ERG: variants seen among roughly 807,000 people sequenced by gnomAD.
ERG encodes ETS transcription factor ERG.
A neutral mutation model predicts 55.3 loss-of-function variants in ERG; 9 were observed. The observed-to-expected ratio is 0.16, with a 90% CI of 0.10 to 0.28. ERG has a LOEUF of 0.28. Among genes scored for constraint, ERG ranks in the 10% least tolerant of loss-of-function variants. The probability of loss-of-function intolerance (pLI) is 1.00; values close to 1 mark genes in which losing one functional copy is unlikely to be tolerated. For missense variants in ERG, 434 were observed against 631.6 expected (o/e 0.69, Z 3.35); for synonymous variants, 223 against 237.3 (o/e 0.94, Z 0.55).
chr21:38,431,158 G>T (rs566402144), intron 2 of ERG, among the ~76,000 whole-genome samples: 31 of 152,200 alleles, frequency 2.0e-4, no homozygotes, highest in African/African-American at 7.5e-4. Context: ...ACACGGCAAA[G>T]AATATCAAAT....
chr21:38,529,953 C>G (rs372975660), intron 2 of ERG, among the ~76,000 whole-genome samples: 1 of 151,904 alleles, frequency 6.6e-6, no homozygotes, highest in Admixed American at 6.6e-5. Context: ...GTGACAAGAG[C>G]GAAACTCCGT....
intron 2 of ERG, among the ~76,000 whole-genome samples, chr21:38,539,984 A>G (rs1373342367): frequency 6.7e-6 from 1 of 148,918 alleles, no homozygotes; most frequent in Non-Finnish European, 1.5e-5. Context: ...GCAACCTCCA[A>G]CTCCCAGGTT....
chr21:38,604,760 C>A (rs1263492652), intron 1 of ERG, among the ~76,000 whole-genome samples: 1 of 152,196 alleles, frequency 6.6e-6, no homozygotes, highest in African/African-American at 2.4e-5. Flanking sequence ...TGAAGAATGG[C>A]CTCAGCCTTA....
intron 1 of ERG, among the ~76,000 whole-genome samples, chr21:38,493,987 G>T (rs960246991): frequency 6.6e-6 from 1 of 152,214 alleles, no homozygotes; most frequent in African/African-American, 2.4e-5. Context: ...TCCGCGGGGG[G>T]GCGTCTGATG....
intron 1 of ERG, among the ~76,000 whole-genome samples, chr21:38,493,877 C>A (rs2059358361): frequency 6.6e-6 from 1 of 152,248 alleles, no homozygotes; most frequent in Non-Finnish European, 1.5e-5. Flanking sequence ...CACATCAGAG[C>A]AGTCTATGGC....
intron 9 of ERG, among the ~76,000 whole-genome samples, chr21:38,388,884 G>C (rs1987834499): frequency 6.6e-6 from 1 of 152,156 alleles, no homozygotes; most frequent in Non-Finnish European, 1.5e-5. Flanking sequence ...TGTGAAAGCT[G>C]GCACTTTGCT....
At chr21:38,372,210 CTG>C in the ERG span, among the ~76,000 whole-genome samples, 2 of 152,028 alleles carry the variant, frequency 1.3e-5, no homozygotes, top group Admixed American at 6.5e-5. Context: ...TTAATATTAT[CTG>C]TCTTTTCTTT....
intron 1 of ERG, among the ~76,000 whole-genome samples, chr21:38,630,868 G>A (rs1244962154): frequency 1.3e-5 from 2 of 152,178 alleles, no homozygotes; most frequent in African/African-American, 4.8e-5. Context: ...ATAGGGATGT[G>A]AGCTACATAG....
chr21:38,448,010 G>A (rs2058907891), intron 1 of ERG, among the ~76,000 whole-genome samples: 1 of 152,140 alleles, frequency 6.6e-6, no homozygotes, highest in South Asian at 2.1e-4. Flanking sequence ...TAAAGTATTA[G>A]TATTTCTCCA....
At chr21:38,430,269 T>G (rs1471631755) in intron 2 of ERG, among the ~76,000 whole-genome samples, 1 of 152,168 alleles carries the variant, frequency 6.6e-6, no homozygotes. Flanking sequence ...AAATTATTTA[T>G]TTTTTTCTTG....
At chr21:38,396,068 C>T (rs563601163) in intron 6 of ERG, among the ~76,000 whole-genome samples, 9 of 152,130 alleles carry the variant, frequency 5.9e-5, no homozygotes, top group Non-Finnish European at 2.9e-5. Context: ...TGGATGGGAA[C>T]AGATGAGATT....
chr21:38,649,686 T>C (rs991071188), intron 1 of ERG, among the ~76,000 whole-genome samples: 7 of 152,206 alleles, frequency 4.6e-5, no homozygotes, highest in Non-Finnish European at 8.8e-5. Context: ...CAAGTGGACA[T>C]GCAGGAGGCC....
intron 2 of ERG, among the ~76,000 whole-genome samples, chr21:38,519,014 A>C (rs1456269772): frequency 1.3e-5 from 2 of 152,210 alleles, no homozygotes; most frequent in Non-Finnish European, 2.9e-5. Flanking sequence ...AAAAGAGGAT[A>C]TCCAACTGCT....
chr21:38,462,103 C>G (rs1295736299), intron 1 of ERG, among the ~76,000 whole-genome samples: 1 of 152,166 alleles, frequency 6.6e-6, no homozygotes, highest in Non-Finnish European at 1.5e-5. Context: ...GCCTCAGCCT[C>G]CTGAGTAGCT....
At chr21:38,367,482 A>G in the ERG span, among the ~76,000 whole-genome samples, 1 of 152,032 alleles carries the variant, frequency 6.6e-6, no homozygotes, top group South Asian at 2.1e-4. Context: ...TCCTCATCCC[A>G]TACACTTCTC....
chr21:38,568,009 G>A (rs1327126835), intron 2 of ERG, among the ~76,000 whole-genome samples: 2 of 152,208 alleles, frequency 1.3e-5, no homozygotes, highest in Non-Finnish European at 2.9e-5. Context: ...TACTTCCAGA[G>A]CGGCAGCCGT....
intron 1 of ERG, among the ~76,000 whole-genome samples, chr21:38,450,309 C>G (rs1050891857): frequency 1.3e-5 from 2 of 151,850 alleles, no homozygotes; most frequent in Non-Finnish European, 2.9e-5. Flanking sequence ...ACCCGGGAAG[C>G]GGAGGTTGCA....
intron 1 of ERG, among the ~76,000 whole-genome samples, chr21:38,604,976 C>T (rs2060188050): frequency 6.6e-6 from 1 of 152,206 alleles, no homozygotes; most frequent in African/African-American, 2.4e-5. Context: ...GAAGATTCTG[C>T]TCTCGTTCCC....
chr21:38,397,690 G>A (rs886894478), intron 6 of ERG, among the ~76,000 whole-genome samples: 1 of 152,000 alleles, frequency 6.6e-6, no homozygotes, highest in Non-Finnish European at 1.5e-5. Flanking sequence ...GACTCACAGT[G>A]GGAAGGGAAG....
Sources: gnomAD v4.1 joint callset for allele counts (sites outside exome capture counted in the v4.1 genomes callset) on GRCh38, gnomAD v4.1.1 for gene constraint, MANE v1.5 for transcripts, NCBI Gene and HGNC (gene_info 2026-07-23, HGNC 2026-07-21) for gene names.